Variants in NRXN1 observed in about 807,000 individuals in gnomAD.
The protein encoded by NRXN1 is neurexin 1.
A neutral mutation model predicts 150.9 loss-of-function variants in NRXN1; 39 were observed. That is an observed-to-expected ratio of 0.26 (90% CI 0.20 to 0.34). The LOEUF (loss-of-function observed/expected upper bound fraction) is 0.34. NRXN1 is among the 10% of genes least tolerant of loss of function. The pLI, the probability that NRXN1 is intolerant of heterozygous loss-of-function variation, is 1.00. For missense variants in NRXN1, 1,815 were observed against 1,949.9 expected (o/e 0.93, Z 1.30); for synonymous variants, 924 against 757.0 (o/e 1.22, Z -3.62).
rs180903241 is a variant in NRXN1 at position 50,413,443 on chromosome 2, G to A, written c.3364+51999C>T. Among the ~76,000 whole-genome samples, 229 of 152,070 alleles carry A rather than the reference G, an allele frequency of 1.5e-3. 2 individuals are homozygous for A. Among genetic ancestry groups the A allele is most frequent in the East Asian group, 2.3e-3 (12 of 5,146 alleles). The stretch of plus-strand genomic sequence containing the variant: ...AAAGTGCTCAATATCACAGATCATC[G>A]GAGAAATGGGAGAAATGCCAATCAA... On this transcript the variant is annotated intron_variant, in intron 17 of 22. Coordinates refer to ENST00000401669, the MANE Select transcript of NRXN1 (RefSeq NM_001330078.2).
At chr2:51,007,485 G>A (rs1455167475) in intron 2 of NRXN1, among the ~76,000 whole-genome samples, 2 of 151,888 alleles carry the variant, frequency 1.3e-5, no homozygotes, top group Non-Finnish European at 2.9e-5. Context: ...TAGGGGTTTA[G>A]GAAAATTGTG....
chr2:50,703,115 G>A (rs912992860), intron 5 of NRXN1, among the ~76,000 whole-genome samples: 1 of 152,060 alleles, frequency 6.6e-6, no homozygotes, highest in Non-Finnish European at 1.5e-5. Context: ...TCATTTAATT[G>A]TAAATAAGGT....
chr2:50,221,927 T>C (rs1179357150), intron 18 of NRXN1, among the ~76,000 whole-genome samples: 1 of 152,020 alleles, frequency 6.6e-6, no homozygotes, highest in African/African-American at 2.4e-5. Flanking sequence ...CTCTGTTTGT[T>C]ATATTAAGAT....
chr2:50,681,406 C>A lies in NRXN1; in HGVS notation c.833-57791G>T, dbSNP rs964823079. 7.2e-5 allele frequency among the ~76,000 whole-genome samples: 11 copies of A among 152,138 alleles called. 1 individual carries two copies. The highest frequency in any genetic ancestry group is 1.5e-4 in the Non-Finnish European group (10 of 68,022). ...AATAATTTGCAATCTGTGTCTTATG[C>A]TTCTATTTTGGGAGTCAGACCAGGC... On this transcript the variant is annotated intron_variant, in intron 5 of 22. Coordinates refer to ENST00000401669, the MANE Select transcript of NRXN1 (RefSeq NM_001330078.2).
intron 8 of NRXN1, among the ~76,000 whole-genome samples, chr2:50,579,522 G>A (rs919862719): frequency 5.3e-5 from 8 of 152,162 alleles, no homozygotes; most frequent in African/African-American, 1.9e-4. Context: ...GGTGGCATGT[G>A]CCTATAGTCC....
intron 18 of NRXN1, among the ~76,000 whole-genome samples, chr2:50,160,976 C>A (rs2059330398): frequency 6.6e-6 from 1 of 152,054 alleles, no homozygotes; most frequent in African/African-American, 2.4e-5. Flanking sequence ...GTATGATTAT[C>A]TCCATAATTT....
intron 2 of NRXN1, among the ~76,000 whole-genome samples, chr2:50,995,324 G>A (rs916591591): frequency 3.3e-5 from 5 of 152,048 alleles, no homozygotes; most frequent in Admixed American, 2.0e-4. Context: ...AGGACCAAAC[G>A]CAGTGGCTCA....
intron 2 of NRXN1, among the ~76,000 whole-genome samples, chr2:50,958,799 T>A (rs768580943): frequency 1.3e-5 from 2 of 152,106 alleles, no homozygotes; most frequent in Non-Finnish European, 2.9e-5. Context: ...CAGTCAGCAA[T>A]CATTCAGCAG....
intron 2 of NRXN1, among the ~76,000 whole-genome samples, chr2:50,994,843 A>T (rs1699031130): frequency 6.6e-6 from 1 of 152,066 alleles, no homozygotes; most frequent in Non-Finnish European, 1.5e-5. Flanking sequence ...ACAGGATACA[A>T]AATAACCTGA....
intron 17 of NRXN1, among the ~76,000 whole-genome samples, chr2:50,322,716 A>T (rs2076132039): frequency 6.6e-6 from 1 of 152,230 alleles, no homozygotes. Flanking sequence ...CATTCCAAAT[A>T]TAGAAAATAA....
In NRXN1 at chr2:50,189,906, C is replaced by T. The variant is rs1306106614; in HGVS notation, c.3546+46883G>A. 2.0e-5 allele frequency among the ~76,000 whole-genome samples: 3 copies of T among 152,270 alleles called. No individual in the cohort carries two copies. In the East Asian group the frequency reaches 5.8e-4, roughly 29 times the overall value. On this transcript the variant is annotated intron_variant, in intron 18 of 22. Coordinates refer to ENST00000401669, the MANE Select transcript of NRXN1 (RefSeq NM_001330078.2). ...CTATACAGTTTGCACATGGATGATACTCAGATGAAGTATTCTGATTGACTT... is the reference window on the plus strand; with the variant it reads ...CTATACAGTTTGCACATGGATGATATTCAGATGAAGTATTCTGATTGACTT...
chr2:50,934,463 T>C (rs1688226340), intron 2 of NRXN1, among the ~76,000 whole-genome samples: 2 of 152,168 alleles, frequency 1.3e-5, no homozygotes, highest in African/African-American at 2.4e-5. Flanking sequence ...TGATTGAATA[T>C]GTAACCACAG....
At chr2:50,033,657 C>T (rs75552975) in intron 21 of NRXN1, among the ~76,000 whole-genome samples, 2 of 151,962 alleles carry the variant, frequency 1.3e-5, no homozygotes, top group Admixed American at 1.3e-4. Context: ...AGCTTCTGCA[C>T]AGCAAAAGAA....
chr2:50,239,662 G>GTATATATATATATATATATATA (rs59505952), intron 17 of NRXN1, among the ~76,000 whole-genome samples: 1 of 47,270 alleles, frequency 2.1e-5, no homozygotes, highest in Non-Finnish European at 4.4e-5. Flanking sequence ...ACCTATTCCA[G>GTATATATATATATATATATATA]TATATATATA....
At chr2:50,516,302 C>T (rs1211372734) in intron 12 of NRXN1, among the ~76,000 whole-genome samples, 2 of 152,122 alleles carry the variant, frequency 1.3e-5, no homozygotes, top group African/African-American at 2.4e-5. Context: ...ACAACACAAG[C>T]TCAGCATATG....
intron 2 of NRXN1, among the ~76,000 whole-genome samples, chr2:50,991,794 C>T (rs1698582454): frequency 6.6e-6 from 1 of 151,964 alleles, no homozygotes; most frequent in South Asian, 2.1e-4. Context: ...ACAATACAAG[C>T]TATTAAAAGG....
chr2:50,308,501 A>T (rs1048927878), intron 17 of NRXN1, among the ~76,000 whole-genome samples: 3 of 149,964 alleles, frequency 2.0e-5, no homozygotes, highest in Non-Finnish European at 4.4e-5. Context: ...GTAAGTTTTT[A>T]TTTTTTTTTA....
chr2:50,175,212 C>G (rs999515400), intron 18 of NRXN1: 2 of 152,134 alleles, frequency 1.3e-5, no homozygotes, highest in African/African-American at 4.8e-5. Flanking sequence ...GATAAGAACC[C>G]CTCCTGAAAT....
intron 15 of NRXN1, among the ~76,000 whole-genome samples, chr2:50,476,609 C>T (rs1240202016): frequency 6.6e-6 from 1 of 152,030 alleles, no homozygotes; most frequent in Non-Finnish European, 1.5e-5. Context: ...TCAATCTATG[C>T]TGATTCCACT....
Sources: allele counts gnomAD v4.1 joint callset (sites outside exome capture counted in the v4.1 genomes callset), GRCh38; gene constraint gnomAD v4.1.1; transcripts MANE v1.5; gene names NCBI Gene and HGNC (gene_info 2026-07-23, HGNC 2026-07-21).